The following HDAC9 variants were observed in gnomAD, a reference collection of about 807,000 sequenced individuals.
The protein encoded by HDAC9 is histone deacetylase 9, also known as MEF-2 interacting transcription repressor (MITR) protein.
In HDAC9, 41 loss-of-function variants were observed where a neutral mutation model predicts 139.4. The observed-to-expected ratio is 0.29, with a 90% CI of 0.23 to 0.38. The LOEUF (loss-of-function observed/expected upper bound fraction) is 0.38. HDAC9 is among the 10% of genes least tolerant of loss of function. HDAC9 has a pLI of 1.00. For missense variants in HDAC9, 1,147 were observed against 1,297.0 expected (o/e 0.88, Z 1.78); for synonymous variants, 517 against 476.2 (o/e 1.09, Z -1.12).
intron 16 of HDAC9, among the ~76,000 whole-genome samples, chr7:18,787,952 A>T (rs1190904723): frequency 2.0e-5 from 3 of 152,122 alleles, no homozygotes; most frequent in Non-Finnish European, 4.4e-5. Flanking sequence ...TAATGTCTTT[A>T]GGTAATTGCT....
upstream of HDAC9, among the ~76,000 whole-genome samples, chr7:18,493,545 C>T (rs926326269): frequency 6.6e-6 from 1 of 151,852 alleles, no homozygotes. Context: ...TTCGTTTCCT[C>T]ATGAGTGAAT....
intron 23 of HDAC9, among the ~76,000 whole-genome samples, chr7:18,952,301 GAGT>G (rs1782854864): frequency 6.6e-6 from 1 of 151,860 alleles, no homozygotes; most frequent in Non-Finnish European, 1.5e-5. Flanking sequence ...TGTATAACCT[GAGT>G]CTTTAAAATA....
At chr7:18,745,397 A>G (rs546258874) in intron 13 of HDAC9, among the ~76,000 whole-genome samples, 1 of 152,270 alleles carries the variant, frequency 6.6e-6, no homozygotes, top group African/African-American at 2.4e-5. Flanking sequence ...CTGTTTCACA[A>G]TTATTTTTCT....
intron 2 of HDAC9, among the ~76,000 whole-genome samples, chr7:18,508,847 T>A (rs971476533): frequency 2.0e-5 from 3 of 152,190 alleles, no homozygotes; most frequent in Non-Finnish European, 4.4e-5. Flanking sequence ...ACCTACAACG[T>A]GCCAGGTATT....
At chr7:18,237,884 T>C (rs1321052349) in intron 2 of HDAC9, among the ~76,000 whole-genome samples, 1 of 152,202 alleles carries the variant, frequency 6.6e-6, no homozygotes, top group Non-Finnish European at 1.5e-5. Context: ...GTTGGTGTAG[T>C]ATTCTTGCAT....
chr7:18,929,327 C>A lies in HDAC9; in HGVS notation c.2804-6482C>A, dbSNP rs138715192. Among the ~76,000 whole-genome samples, 7 of 151,992 alleles carry A rather than the reference C, an allele frequency of 4.6e-5. 1 individual carries two copies. The East Asian group carries it at 9.7e-4, about 21-fold the overall frequency. ...GCTTATTTAATTCTATTTTTATAAT[C>A]AAAAATATTAAATTTGTTTCTACTA... On this transcript the variant is annotated intron_variant, in intron 22 of 25. Transcript: ENST00000686413.
chr7:18,665,757 C>A (rs940547986), intron 11 of HDAC9, among the ~76,000 whole-genome samples: 1 of 152,160 alleles, frequency 6.6e-6, no homozygotes, highest in Middle Eastern at 3.4e-3. Context: ...AGACTATTAG[C>A]ATTTGTGTTC....
chr7:18,281,833 T>C (rs17418786), intron 2 of HDAC9, among the ~76,000 whole-genome samples: 3,757 of 152,294 alleles, frequency 0.025, 69 homozygotes, highest in Middle Eastern at 0.037. Flanking sequence ...TTTTTCTCCG[T>C]ATTGAATATA....
chr7:18,298,307 TTAAGTTTTA>T (rs1798282582), intron 1 of HDAC9, among the ~76,000 whole-genome samples: 1 of 152,098 alleles, frequency 6.6e-6, no homozygotes, highest in Middle Eastern at 3.4e-3. Context: ...TTATTATACT[TTAAGTTTTA>T]GGGTACATGT....
At chr7:18,993,873 T>C (rs1051763459) in intron 25 of HDAC9, among the ~76,000 whole-genome samples, 5 of 151,710 alleles carry the variant, frequency 3.3e-5, no homozygotes, top group African/African-American at 1.2e-4. Context: ...GATGGTTCAA[T>C]AGAAGGTGGG....
chr7:18,285,356 A>G (rs980822758), intron 2 of HDAC9, among the ~76,000 whole-genome samples: 2 of 152,042 alleles, frequency 1.3e-5, no homozygotes, highest in Non-Finnish European at 2.9e-5. Flanking sequence ...TTCTTTTACT[A>G]TTTTCCTTAT....
intron 2 of HDAC9, among the ~76,000 whole-genome samples, chr7:18,258,809 C>G (rs1026340738): frequency 6.6e-6 from 1 of 152,144 alleles, no homozygotes; most frequent in Admixed American, 6.5e-5. Flanking sequence ...AGTAGCTTCT[C>G]TATTCAACTC....
At chr7:18,962,163 C>A (rs1783566552) in intron 24 of HDAC9, among the ~76,000 whole-genome samples, 1 of 151,992 alleles carries the variant, frequency 6.6e-6, no homozygotes, top group African/African-American at 2.4e-5. Flanking sequence ...AAATCCCTGC[C>A]CTGTTGAGTT....
chr7:18,702,185 T>C (rs1303045356), intron 12 of HDAC9, among the ~76,000 whole-genome samples: 1 of 152,180 alleles, frequency 6.6e-6, no homozygotes, highest in African/African-American at 2.4e-5. Context: ...CATCTTTCTA[T>C]GGTTGTTTGC....
chr7:18,867,390 T>C (rs571870903), intron 21 of HDAC9, among the ~76,000 whole-genome samples: 1 of 152,304 alleles, frequency 6.6e-6, no homozygotes, highest in East Asian at 1.9e-4. Context: ...CAAAAGTACA[T>C]TGTCAAGTAA....
chr7:18,626,300 C>A (rs1488329339), intron 6 of HDAC9, among the ~76,000 whole-genome samples: 1 of 152,076 alleles, frequency 6.6e-6, no homozygotes, highest in East Asian at 1.9e-4. Flanking sequence ...GCCTCTCCCT[C>A]CTCCTTAATT....
chr7:18,960,009 A>AACACACACACACACACACAC (rs58030908), intron 24 of HDAC9, among the ~76,000 whole-genome samples: 91 of 149,024 alleles, frequency 6.1e-4, no homozygotes, highest in African/African-American at 2.1e-3. Flanking sequence ...TGTTGTTTTA[A>AACACACACACACACACACAC]ACACACACAC....
intron 17 of HDAC9, among the ~76,000 whole-genome samples, chr7:18,827,999 A>C (rs1480938147): frequency 6.6e-6 from 1 of 152,130 alleles, no homozygotes; most frequent in Non-Finnish European, 1.5e-5. Flanking sequence ...CACCATTACT[A>C]GATTTCTAAT....
At chr7:18,584,128 G>T (rs954699825) in intron 2 of HDAC9, among the ~76,000 whole-genome samples, 4 of 145,176 alleles carry the variant, frequency 2.8e-5, no homozygotes, top group African/African-American at 1.0e-4. Context: ...TATTCCTTTA[G>T]AAAGCAGCAT....
Sources: allele counts gnomAD v4.1 joint callset (sites outside exome capture counted in the v4.1 genomes callset), GRCh38; gene constraint gnomAD v4.1.1; transcripts MANE v1.5; gene names NCBI Gene and HGNC (gene_info 2026-07-23, HGNC 2026-07-21).